The following NQO2 variants were observed in gnomAD, a reference collection of about 807,000 sequenced individuals.
NQO2 encodes N-ribosyldihydronicotinamide:quinone dehydrogenase 2.
A neutral mutation model predicts 22.0 loss-of-function variants in NQO2; 18 were observed. The observed-to-expected ratio is 0.82, with a 90% CI of 0.56 to 1.21. The LOEUF (loss-of-function observed/expected upper bound fraction) is 1.21. Ranked by LOEUF, NQO2 falls within the 50% of genes most tolerant of loss-of-function variation. The pLI is 0.00. For synonymous variants in NQO2, 106 were observed against 110.8 expected, an observed-to-expected ratio of 0.96 and a Z score of 0.28; for missense variants, 267 against 286.9, an observed-to-expected ratio of 0.93 and a Z score of 0.50.
intron 1 of NQO2, among the ~76,000 whole-genome samples, chr6:3,005,280 C>A (rs1280308133): frequency 3.3e-5 from 5 of 152,174 alleles, no homozygotes; most frequent in Non-Finnish European, 7.3e-5. Context: ...ATTGCTGAGT[C>A]ATATGTTAAT....
At chr6:3,018,070 AT>A in intron 6 of NQO2, among the ~76,000 whole-genome samples, 1 of 152,254 alleles carries the variant, frequency 6.6e-6, no homozygotes, top group Middle Eastern at 3.4e-3. Flanking sequence ...TATAAATAGG[AT>A]TTTGTCTTCA....
rs201164276 is a variant in NQO2, at chr6:3,019,660, G to A, written c.*5G>A. The A allele has an allele frequency of 2.3e-5, 37 of 1,597,620 alleles. 1 individual carries two copies. Among genetic ancestry groups the A allele is most frequent in the African/African-American group, 2.1e-4 (16 of 74,750 alleles). On this transcript the variant is annotated 3_prime_UTR_variant, in exon 7 of 7. Transcript: ENST00000380455. ...CACTGGCACTTCGGGCAATAACTCT[G>A]TGGCACGTGGGCATCACGTAAGCAG... is the stretch of plus-strand genomic sequence containing the variant.
At chr6:3,016,430 C>CAAAA (rs36118697) in intron 5 of NQO2, among the ~76,000 whole-genome samples, 10 of 85,694 alleles carry the variant, frequency 1.2e-4, no homozygotes, top group African/African-American at 2.9e-4. Flanking sequence ...GACTCTGTCT[C>CAAAA]AAAAAAAAAA....
intron 6 of NQO2, 96 bp from the exon 7 acceptor site, chr6:3,019,382 GT>G: frequency 6.8e-7 from 1 of 1,462,318 alleles, no homozygotes. Context: ...TTTTTTGAAG[GT>G]TTGTTTCACA....
At position 3,019,301 on chromosome 6, in the gene NQO2, G is replaced by C. The variant is rs1322386021; in HGVS notation, c.520-178G>C. 7 of 959,948 alleles carry C rather than the reference G, an allele frequency of 7.3e-6. No individual in the cohort carries two copies. The Admixed American group carries it at 3.7e-4, about 51-fold the overall frequency. The allele number at this position is 959,948 out of a possible 1,614,324, so 59.5% of individuals were successfully genotyped here. ...GCCCCAAGTTCTTCACGGCTCTTAT[G>C]CAAGGCTGTGTCCTAAAGCCATAGG... On this transcript the variant is annotated intron_variant, in intron 6 of 6. Transcript: ENST00000380455.
At chr6:3,010,504 G>A (rs1757105867) in intron 3 of NQO2, among the ~76,000 whole-genome samples, 1 of 152,056 alleles carries the variant, frequency 6.6e-6, no homozygotes, top group East Asian at 1.9e-4. Flanking sequence ...CAAGTCACAG[G>A]TTCTACACTG....
intron 6 of NQO2, 82 bp downstream of exon 6, chr6:3,017,067 C>A: frequency 6.9e-7 from 1 of 1,453,288 alleles, no homozygotes; most frequent in South Asian, 1.2e-5. Flanking sequence ...TACACACACA[C>A]ACGCACACAC....
Position 3,004,395 on chromosome 6 carries a change from C to T in NQO2, c.-85-2073C>T, listed in dbSNP as rs569003788. On this transcript the variant is annotated intron_variant, in intron 1 of 6. Transcript: ENST00000380455. ...TTTGGAGTGATCAGAGCTGTCTGCC[C>T]TCTTGGGGAGTGACAGTGCCCCACT... The T allele has an allele frequency of 1.5e-5, 15 of 984,464 alleles. No individual in the cohort carries two copies. The South Asian group carries it at 5.6e-4, about 37-fold the overall frequency. The allele number at this position is 984,464 out of a possible 1,614,324, so 61.0% of individuals were successfully genotyped here. A position where few individuals can be genotyped will look rare whatever the true frequency, so the allele number is the denominator to read the frequency against.
intron 3 of NQO2, chr6:3,012,281 A>G (rs1757157720): frequency 1.6e-6 from 1 of 606,984 alleles, no homozygotes; most frequent in Non-Finnish European, 2.1e-6. Context: ...TAAATTGGGA[A>G]ATACACCAGT....
intron 1 of NQO2, among the ~76,000 whole-genome samples, chr6:3,000,717 A>G (rs1756658192): frequency 6.6e-6 from 1 of 151,566 alleles, no homozygotes; most frequent in South Asian, 2.1e-4. Context: ...AATTTTTTGT[A>G]TGTTTAGTAG....
chr6:3,002,246 T>C, intron 1 of NQO2: 3 of 984,974 alleles, frequency 3.0e-6, no homozygotes, highest in Non-Finnish European at 3.6e-6. Context: ...CAGGATAAGG[T>C]GTTCCCCCAG....
rs1757478222 is a variant in NQO2, at chr6:3,019,681, A to G, written c.*26A>G. On this transcript the variant is annotated 3_prime_UTR_variant, in exon 7 of 7. Coordinates refer to ENST00000380455, the MANE Select transcript of NQO2 (RefSeq NM_000904.6). ...CTCTGTGGCACGTGGGCATCACGTAAGCAGCACACTAGGAGGCCCAGGCGC... is the reference window on the plus strand; with the variant it reads ...CTCTGTGGCACGTGGGCATCACGTAGGCAGCACACTAGGAGGCCCAGGCGC... The G allele has an allele frequency of 6.4e-7, 1 of 1,570,850 alleles. No homozygotes were observed. The highest frequency in any genetic ancestry group is 8.7e-7 in the Non-Finnish European group (1 of 1,155,316).
At chr6:3,010,768 G>A (rs972147004) in intron 3 of NQO2, among the ~76,000 whole-genome samples, 27 of 152,118 alleles carry the variant, frequency 1.8e-4, no homozygotes, top group African/African-American at 6.3e-4. Flanking sequence ...CACTGTAGGA[G>A]GTACATTCTG....
chr6:3,011,359 G>GA (rs1269120500), intron 3 of NQO2, among the ~76,000 whole-genome samples: 42 of 152,234 alleles, frequency 2.8e-4, no homozygotes, highest in African/African-American at 8.7e-4. Flanking sequence ...GGATGAAGCA[G>GA]AAGAAAAAAT....
intron 4 of NQO2, chr6:3,015,022 A>T: frequency 9.1e-7 from 1 of 1,095,920 alleles, no homozygotes; most frequent in Non-Finnish European, 1.2e-6. Flanking sequence ...GTAACACTGG[A>T]TGTAATGTTA....
At chr6:3,005,328 C>G (rs568263551) in intron 1 of NQO2, among the ~76,000 whole-genome samples, 9 of 152,312 alleles carry the variant, frequency 5.9e-5, no homozygotes, top group African/African-American at 2.2e-4. Context: ...GGGCACAGCA[C>G]CTCTCCAGCA....
intron 2 of NQO2, among the ~76,000 whole-genome samples, chr6:3,009,423 A>G (rs1352148840): frequency 1.3e-5 from 2 of 152,190 alleles, no homozygotes; most frequent in Non-Finnish European, 2.9e-5. Context: ...TCTGCAAACA[A>G]TTTGTGCAGT....
At position 3,010,121 on chromosome 6, in the gene NQO2, G is replaced by A. The variant is rs151077579; in HGVS notation, c.104G>A (p.Cys35Tyr). 4 of 1,613,872 alleles carry A rather than the reference G, an allele frequency of 2.5e-6. No homozygotes were observed. The African/African-American group carries it at 4.0e-5, about 16-fold the overall frequency. ...GTAGATGAACTGAGCAGGCAGGGCT[G>A]CACCGTCACAGTGTCTGATTTGTAT... ...VAVDELSRQG[C>Y]TVTVSDLYAM... Residue 35 changes from cysteine to tyrosine, a missense_variant, in exon 3 of 7, where the codon TGC (cysteine) becomes TAC (tyrosine). Coordinates refer to ENST00000380455, the MANE Select transcript of NQO2 (RefSeq NM_000904.6).
intron 1 of NQO2, chr6:3,002,293 C>T (rs28383599): frequency 2.2e-6 from 2 of 891,366 alleles, no homozygotes; most frequent in African/African-American, 3.6e-5. Context: ...AAAGGTAAAT[C>T]ATTTCATATC....
Sources: gnomAD v4.1 joint callset for allele counts (sites outside exome capture counted in the v4.1 genomes callset) on GRCh38, gnomAD v4.1.1 for gene constraint, MANE v1.5 for transcripts, NCBI Gene and HGNC (gene_info 2026-07-23, HGNC 2026-07-21) for gene names.